Variants in RORA observed in about 807,000 individuals in gnomAD.
RORA encodes RAR related orphan receptor A.
In RORA, 7 loss-of-function variants were observed where a neutral mutation model predicts 69.5. The ratio of observed to expected loss-of-function variants is 0.10; its 90% CI spans 0.06 to 0.19. The LOEUF (loss-of-function observed/expected upper bound fraction) is 0.19, where lower values mean the gene tolerates loss of function less well. Among genes scored for constraint, RORA ranks in the 10% least tolerant of loss-of-function variants. The pLI is 1.00. For synonymous variants in RORA, 261 were observed against 240.8 expected (o/e 1.08, Z -0.78); for missense variants, 457 against 663.0 (o/e 0.69, Z 3.41).
At chr15:60,971,237 A>G (rs933915401) in intron 1 of RORA, among the ~76,000 whole-genome samples, 6 of 152,178 alleles carry the variant, frequency 3.9e-5, no homozygotes, top group African/African-American at 1.4e-4. Context: ...GGACTCCCCT[A>G]ACACTGCATT....
At chr15:60,944,462 A>G (rs1892801517) in intron 1 of RORA, among the ~76,000 whole-genome samples, 1 of 152,158 alleles carries the variant, frequency 6.6e-6, no homozygotes, top group African/African-American at 2.4e-5. Flanking sequence ...CAAGCCTGTA[A>G]TCCCAGCACT....
At chr15:60,616,306 AGT>A (rs546350853) in intron 2 of RORA, among the ~76,000 whole-genome samples, 108 of 152,288 alleles carry the variant, frequency 7.1e-4, no homozygotes, top group African/African-American at 2.6e-3. Context: ...ACGCGTCTTC[AGT>A]GTGTGTGAGA....
At chr15:60,872,724 C>T (rs1422694712) in intron 1 of RORA, among the ~76,000 whole-genome samples, 1 of 152,168 alleles carries the variant, frequency 6.6e-6, no homozygotes, top group Non-Finnish European at 1.5e-5. Context: ...TACATCTGGT[C>T]TTTCTTGCAC....
At position 60,511,393 on chromosome 15, in the gene RORA, ACGG is replaced by A. The variant is rs1347942429; in HGVS notation, c.650_652del (p.Ala217del). On this transcript the variant is annotated inframe_deletion, in exon 5 of 11. Transcript: ENST00000335670. The surrounding 1 kb of genome is among the most constrained non-coding windows in gnomAD (Gnocchi z 6.4). Reference sequence around the variant, plus strand: ...CTGTATGTCCAGGTAGAAGCTGCTGACGGCGGAGTCTGCCTTACTCCCCTCAGG... The same window carrying A: ...CTGTATGTCCAGGTAGAAGCTGCTGACGGAGTCTGCCTTACTCCCCTCAGG... 7 of 1,614,152 alleles carry A rather than the reference ACGG, an allele frequency of 4.3e-6. No individual in the cohort carries two copies. Among genetic ancestry groups the A allele is most frequent in the Non-Finnish European group, 5.1e-6 (6 of 1,180,028 alleles).
chr15:60,783,852 C>T (rs2072297569), intron 1 of RORA, among the ~76,000 whole-genome samples: 1 of 152,230 alleles, frequency 6.6e-6, no homozygotes, highest in East Asian at 1.9e-4. Flanking sequence ...GTCTGTTAGC[C>T]ACCCTGAAAT....
At chr15:60,705,463 G>A (rs1255373400) in intron 1 of RORA, among the ~76,000 whole-genome samples, 3 of 152,146 alleles carry the variant, frequency 2.0e-5, no homozygotes, top group African/African-American at 7.2e-5. Flanking sequence ...TAACTACAAT[G>A]GGATTTAATC....
chr15:60,998,009 G>A (rs1174247773), intron 1 of RORA, among the ~76,000 whole-genome samples: 2 of 152,210 alleles, frequency 1.3e-5, no homozygotes, highest in African/African-American at 4.8e-5. Flanking sequence ...GTGAAGATGG[G>A]TGATTTAATG....
At chr15:60,760,976 C>A (rs745696592) in intron 1 of RORA, among the ~76,000 whole-genome samples, 2 of 152,050 alleles carry the variant, frequency 1.3e-5, no homozygotes. Flanking sequence ...TTTTGTATGA[C>A]GCTGCCTAAT....
At chr15:60,699,446 G>A (rs978141609) in intron 1 of RORA, among the ~76,000 whole-genome samples, 2 of 152,048 alleles carry the variant, frequency 1.3e-5, no homozygotes, top group Admixed American at 1.3e-4. Context: ...TTGTTCTCCC[G>A]AGAGGTATGT....
chr15:60,744,825 T>G (rs2071625207), intron 1 of RORA, among the ~76,000 whole-genome samples: 1 of 152,196 alleles, frequency 6.6e-6, no homozygotes, highest in Non-Finnish European at 1.5e-5. Context: ...TCCTGGTATC[T>G]TCTCTGAGTC....
intron 1 of RORA, among the ~76,000 whole-genome samples, chr15:61,210,379 T>A (rs1205749867): frequency 6.6e-6 from 1 of 152,212 alleles, no homozygotes; most frequent in Non-Finnish European, 1.5e-5. Context: ...AAGGCTGTAC[T>A]TATAGGCAAT....
chr15:60,999,930 G>A (rs977985906), intron 1 of RORA, among the ~76,000 whole-genome samples: 3 of 152,052 alleles, frequency 2.0e-5, no homozygotes, highest in African/African-American at 7.2e-5. Flanking sequence ...CTGAATTACA[G>A]ACAAGAAATT....
At chr15:60,638,470 G>C (rs1192477779) in intron 2 of RORA, among the ~76,000 whole-genome samples, 1 of 150,714 alleles carries the variant, frequency 6.6e-6, no homozygotes, top group Non-Finnish European at 1.5e-5. Flanking sequence ...CCCAGTACTG[G>C]AAGCATTAGT....
At chr15:60,651,350 T>C (rs976104153) in intron 2 of RORA, among the ~76,000 whole-genome samples, 1 of 152,204 alleles carries the variant, frequency 6.6e-6, no homozygotes, top group Non-Finnish European at 1.5e-5. Context: ...TGCTTGCCTC[T>C]GGAGAAGGTC....
At chr15:61,115,748 A>T (rs2079045021) in intron 1 of RORA, among the ~76,000 whole-genome samples, 2 of 152,136 alleles carry the variant, frequency 1.3e-5, no homozygotes, top group Admixed American at 1.3e-4. Flanking sequence ...CCAAGCGGGG[A>T]TCAACAATGT....
chr15:60,589,206 C>T (rs1211679406), intron 2 of RORA, among the ~76,000 whole-genome samples: 1 of 152,172 alleles, frequency 6.6e-6, no homozygotes, highest in Non-Finnish European at 1.5e-5. Flanking sequence ...AATTTCATTT[C>T]GTAGAAAGAA....
chr15:60,658,151 G>T (rs981246029), intron 2 of RORA, among the ~76,000 whole-genome samples: 2 of 151,972 alleles, frequency 1.3e-5, no homozygotes, highest in African/African-American at 4.8e-5. Flanking sequence ...CGTGATCTCG[G>T]ATCACTGCAG....
intron 1 of RORA, among the ~76,000 whole-genome samples, chr15:61,024,450 TG>T (rs1208274737): frequency 3.0e-5 from 2 of 66,166 alleles, no homozygotes; most frequent in African/African-American, 4.6e-5. Flanking sequence ...TGCCCGGTAA[TG>T]TTTTTTTTTT....
chr15:60,907,936 G>A (rs1017193638), intron 1 of RORA, among the ~76,000 whole-genome samples: 2 of 152,218 alleles, frequency 1.3e-5, no homozygotes, highest in African/African-American at 4.8e-5. Context: ...TGAACACAGA[G>A]GGTCCTTCTC....
Sources: gnomAD v4.1 joint callset for allele counts (sites outside exome capture counted in the v4.1 genomes callset) on GRCh38, gnomAD v4.1.1 for gene constraint, Gnocchi (gnomAD v3.1) non-coding constraint, MANE v1.5 for transcripts, NCBI Gene and HGNC (gene_info 2026-07-23, HGNC 2026-07-21) for gene names.